The following DEPDC5 variants were observed in gnomAD, a reference collection of about 807,000 sequenced individuals.
DEPDC5 encodes the protein DEP domain containing 5, GATOR1 subcomplex subunit.
A neutral mutation model predicts 217.3 loss-of-function variants in DEPDC5; 73 were observed. That is an observed-to-expected ratio of 0.34 (90% CI 0.28 to 0.41). The LOEUF is 0.41. DEPDC5 is among the 10% of genes least tolerant of loss of function. DEPDC5 has a pLI of 1.00. For synonymous variants in DEPDC5, 733 were observed against 756.7 expected (o/e 0.97, Z 0.51); for missense variants, 1,675 against 2,070.1 (o/e 0.81, Z 3.70).
At chr22:31,806,329 G>A (rs969431864) in intron 18 of DEPDC5, 138 bp downstream of exon 18, 1 of 701,378 alleles carries the variant, frequency 1.4e-6, no homozygotes, top group South Asian at 2.0e-5. Context: ...GCCCAGCCAA[G>A]AAGGTAGATT....
chr22:31,793,523 G>C (rs2085913771), intron 12 of DEPDC5, among the ~76,000 whole-genome samples: 1 of 151,680 alleles, frequency 6.6e-6, no homozygotes, highest in Non-Finnish European at 1.5e-5. Flanking sequence ...ATTCAAAAAA[G>C]GCATTTTTAT....
At chr22:31,845,822 C>T (rs114666693) in intron 30 of DEPDC5, among the ~76,000 whole-genome samples, 5,425 of 150,808 alleles carry the variant, frequency 0.036, 150 homozygotes, top group African/African-American at 0.079. Context: ...TAGATTCATG[C>T]AACCATCACC....
chr22:31,789,971 A>T lies in DEPDC5; in HGVS notation c.625-2062A>T, dbSNP rs945706674. 2.0e-5 allele frequency among the ~76,000 whole-genome samples: 3 copies of T among 152,134 alleles called. No homozygotes were observed. The East Asian group carries it at 5.8e-4, about 29-fold the overall frequency. Reference sequence around the variant, plus strand: ...CCATTTCTTCAGCTGCAAAATGGAGATAATAATAGACCCTCTCACCACATC... The same window carrying T: ...CCATTTCTTCAGCTGCAAAATGGAGTTAATAATAGACCCTCTCACCACATC... On this transcript the variant is annotated intron_variant, in intron 10 of 42. Transcript: ENST00000651528.
At chr22:31,771,858 T>C (rs1277223073) in intron 7 of DEPDC5, among the ~76,000 whole-genome samples, 3 of 151,292 alleles carry the variant, frequency 2.0e-5, no homozygotes, top group Non-Finnish European at 4.4e-5. Context: ...TGCTTGAGCC[T>C]GGGAGTTCAA....
At chr22:31,789,209 A>G (rs964064345) in intron 10 of DEPDC5, among the ~76,000 whole-genome samples, 4 of 152,260 alleles carry the variant, frequency 2.6e-5, no homozygotes, top group Non-Finnish European at 5.9e-5. Flanking sequence ...TATTCATATT[A>G]GCTAAAAAGT....
chr22:31,836,872 C>G, intron 25 of DEPDC5, 100 bp from the exon 26 acceptor site: 2 of 1,179,776 alleles, frequency 1.7e-6, no homozygotes, highest in Non-Finnish European at 2.4e-6. Context: ...TCACCCTGAA[C>G]TTTTTTCCCC....
intron 41 of DEPDC5, 115 bp downstream of exon 41, chr22:31,901,917 A>G (rs2093655065): frequency 2.1e-6 from 2 of 933,834 alleles, no homozygotes; most frequent in Middle Eastern, 2.1e-4. Context: ...GTATTCCACC[A>G]ATGGCAAATT....
At chr22:31,788,527 C>T (rs1250524882) in intron 10 of DEPDC5, among the ~76,000 whole-genome samples, 5 of 151,720 alleles carry the variant, frequency 3.3e-5, no homozygotes, top group African/African-American at 1.2e-4. Flanking sequence ...ATCTTCCCAC[C>T]TTGGCCTCCC....
chr22:31,821,612 T>G lies in DEPDC5; in HGVS notation c.1981T>G (p.Leu661Val). 1 of 1,613,770 alleles carries G rather than the reference T, an allele frequency of 6.2e-7. No homozygotes were observed. Among genetic ancestry groups the G allele is most frequent in the African/African-American group, 1.3e-5 (1 of 74,970 alleles). The change falls in exon 23 of 43, where the codon TTA (leucine) becomes GTA (valine). Residue 661 changes from leucine to valine, a missense_variant. Transcript: ENST00000651528. Reference sequence around the variant, plus strand: ...TCACTCCTCTGCAGAGCTGCTGGAGTTAGCATATCATGAAGCTGCTGGAAG... The same window carrying G: ...TCACTCCTCTGCAGAGCTGCTGGAGGTAGCATATCATGAAGCTGCTGGAAG... ...PTHSSAELLE[L>V]AYHEAAGRHS... is the part of the protein sequence containing the mutation.
intron 25 of DEPDC5, 108 bp downstream of exon 25, chr22:31,834,088 C>T (rs748177895): frequency 9.3e-7 from 1 of 1,070,812 alleles, no homozygotes; most frequent in Admixed American, 1.7e-5. Context: ...TCCTGAGGTA[C>T]ACATACCTCT....
At chr22:31,840,950 A>G (rs1366840775) in intron 27 of DEPDC5, among the ~76,000 whole-genome samples, 2 of 152,232 alleles carry the variant, frequency 1.3e-5, no homozygotes, top group East Asian at 1.9e-4. Flanking sequence ...AAGAATAAAT[A>G]CCATGCAGGA....
At chr22:31,893,129 C>T (rs2093476591) in intron 38 of DEPDC5, among the ~76,000 whole-genome samples, 1 of 152,004 alleles carries the variant, frequency 6.6e-6, no homozygotes. Context: ...TTGCGTCGGC[C>T]TCCCAAAGTG....
chr22:31,821,489 T>A lies in DEPDC5; in HGVS notation c.1871-13T>A. Reference sequence around the variant, plus strand: ...AGGTGGGAATGATGCTCAGTGGTTCTTTATCTGGGTAGGGCCATCCGGAGA... The same window carrying A: ...AGGTGGGAATGATGCTCAGTGGTTCATTATCTGGGTAGGGCCATCCGGAGA... On this transcript the variant is annotated splice_polypyrimidine_tract_variant and intron_variant, in intron 22 of 42. Coordinates refer to ENST00000651528, the MANE Select transcript of DEPDC5 (RefSeq NM_001242896.3). The A allele has an allele frequency of 6.2e-7, 1 of 1,613,746 alleles. No individual in the cohort carries two copies. Among genetic ancestry groups the A allele is most frequent in the Non-Finnish European group, 8.5e-7 (1 of 1,179,678 alleles).
Position 31,906,603 on chromosome 22 carries a change from A to G in DEPDC5, c.*106A>G. 3 of 1,366,126 alleles carry G rather than the reference A, an allele frequency of 2.2e-6. No homozygotes were observed. Among genetic ancestry groups the G allele is most frequent in the Non-Finnish European group, 3.0e-6 (3 of 995,710 alleles). The allele number at this position is 1,366,126 out of a possible 1,614,324, so 84.6% of individuals were successfully genotyped here. On this transcript the variant is annotated 3_prime_UTR_variant, in exon 43 of 43. Coordinates refer to ENST00000651528, the MANE Select transcript of DEPDC5 (RefSeq NM_001242896.3). This position sits in a 1 kb window ranked among gnomAD's most constrained non-coding sequence, Gnocchi z 5.1. ...AGGAGTCAGGTGTCCGTTTGCTGCT[A>G]TCAGTGAGTGGGGGCCATTGTTTTT...
At chr22:31,814,258 C>T (rs2088808313) in intron 20 of DEPDC5, 2 of 152,094 alleles carry the variant, frequency 1.3e-5, no homozygotes, top group Non-Finnish European at 2.9e-5. Flanking sequence ...CCCAGCCTGG[C>T]ACAAAGCTGA....
At chr22:31,869,798 G>GA (rs1421337647) in intron 33 of DEPDC5, among the ~76,000 whole-genome samples, 1 of 152,116 alleles carries the variant, frequency 6.6e-6, no homozygotes, top group East Asian at 1.9e-4. Context: ...GGTTCATGGG[G>GA]AGACTTGAAA....
At chr22:31,783,342 CT>C (rs1320073962) in intron 8 of DEPDC5, among the ~76,000 whole-genome samples, 1 of 152,130 alleles carries the variant, frequency 6.6e-6, no homozygotes, top group Non-Finnish European at 1.5e-5. Context: ...CCTTTAACAG[CT>C]GTTAACACTC....
chr22:31,756,851 G>C (rs770235524), intron 2 of DEPDC5, among the ~76,000 whole-genome samples: 1 of 151,586 alleles, frequency 6.6e-6, no homozygotes, highest in African/African-American at 2.4e-5. Context: ...AACCCAGGAG[G>C]CAGAGGTTGC....
Position 31,819,249 on chromosome 22 carries a change from G to T in DEPDC5, c.1870+24G>T. The T allele has an allele frequency of 2.5e-6, 4 of 1,613,314 alleles. No homozygotes were observed. The South Asian group carries it at 4.4e-5, about 18-fold the overall frequency. ...GGGTAAGTTGGTTGCTTAAGAGAGAGCCTTGGACTAGGAGCTCCTAGCCCT... is the reference window on the plus strand; with the variant it reads ...GGGTAAGTTGGTTGCTTAAGAGAGATCCTTGGACTAGGAGCTCCTAGCCCT... On this transcript the variant is annotated intron_variant, in intron 22 of 42. Coordinates refer to ENST00000651528, the MANE Select transcript of DEPDC5 (RefSeq NM_001242896.3).
Sources: allele counts gnomAD v4.1 joint callset (sites outside exome capture counted in the v4.1 genomes callset), GRCh38; gene constraint gnomAD v4.1.1; non-coding constraint Gnocchi (gnomAD v3.1); transcripts MANE v1.5; gene names NCBI Gene and HGNC (gene_info 2026-07-23, HGNC 2026-07-21).